Variants in GMDS observed in about 807,000 individuals in gnomAD.
The protein encoded by GMDS is GDP-mannose 4,6-dehydratase.
Under a neutral mutation model 49.9 loss-of-function variants are expected in GMDS, and 20 were observed. That is an observed-to-expected ratio of 0.40 (90% confidence interval 0.28 to 0.58). The LOEUF (loss-of-function observed/expected upper bound fraction) is 0.58, where lower values mean the gene tolerates loss of function less well. GMDS is among the 20% of genes least tolerant of loss of function. The pLI, the probability that GMDS is intolerant of heterozygous loss-of-function variation, is 0.42. For synonymous variants in GMDS, 177 were observed against 178.6 expected (o/e 0.99, Z 0.07); for missense variants, 362 against 481.4 (o/e 0.75, Z 2.32).
At chr6:2,210,454 A>AT (rs1173978368) in intron 1 of GMDS, among the ~76,000 whole-genome samples, 2 of 152,180 alleles carry the variant, frequency 1.3e-5, no homozygotes, top group African/African-American at 4.8e-5. Context: ...GTGCTTACCC[A>AT]TCCTTTCCTG....
intron 7 of GMDS, among the ~76,000 whole-genome samples, chr6:1,814,892 A>G (rs1465575018): frequency 6.6e-6 from 1 of 152,214 alleles, no homozygotes; most frequent in Admixed American, 6.5e-5. Flanking sequence ...TAAAAATGAT[A>G]GTAGGAACAG....
chr6:1,954,238 C>T (rs1435713150), intron 6 of GMDS, among the ~76,000 whole-genome samples: 1 of 152,244 alleles, frequency 6.6e-6, no homozygotes, highest in Admixed American at 6.5e-5. Context: ...AAGCCCTGTA[C>T]AACCTTAACT....
intron 9 of GMDS, among the ~76,000 whole-genome samples, chr6:1,629,924 G>A (rs187453188): frequency 3.9e-5 from 6 of 152,262 alleles, no homozygotes; most frequent in Admixed American, 6.5e-5. Context: ...TAGAGCTTTC[G>A]TGGAAAGTAA....
intron 7 of GMDS, among the ~76,000 whole-genome samples, chr6:1,927,730 T>C (rs898182318): frequency 2.6e-5 from 4 of 152,214 alleles, no homozygotes; most frequent in African/African-American, 9.6e-5. Flanking sequence ...AGCGTCCTTC[T>C]TTCAGATCTA....
chr6:1,789,063 A>T (rs947735431), intron 7 of GMDS, among the ~76,000 whole-genome samples: 1 of 152,208 alleles, frequency 6.6e-6, no homozygotes, highest in African/African-American at 2.4e-5. Context: ...AGAACTCAGG[A>T]CACAATAGTC....
chr6:1,756,506 A>C (rs1767951394), intron 7 of GMDS, among the ~76,000 whole-genome samples: 1 of 152,202 alleles, frequency 6.6e-6, no homozygotes, highest in Non-Finnish European at 1.5e-5. Context: ...TCCTGACCTC[A>C]GGTGATCTGC....
intron 4 of GMDS, among the ~76,000 whole-genome samples, chr6:2,015,268 C>T (rs1432567613): frequency 6.6e-6 from 1 of 152,136 alleles, no homozygotes; most frequent in Non-Finnish European, 1.5e-5. Context: ...TCACATAAAA[C>T]ATTTACTAAG....
At chr6:1,790,827 G>A (rs150845142) in intron 7 of GMDS, among the ~76,000 whole-genome samples, 8 of 152,186 alleles carry the variant, frequency 5.3e-5, no homozygotes, top group Non-Finnish European at 1.2e-4. Context: ...ACCTCTTGTG[G>A]TAGGCTGAGT....
At chr6:2,038,227 T>C (rs1309149512) in intron 4 of GMDS, among the ~76,000 whole-genome samples, 3 of 152,140 alleles carry the variant, frequency 2.0e-5, no homozygotes, top group Non-Finnish European at 4.4e-5. Context: ...CAGTACAGGG[T>C]GTACATGCTG....
intron 7 of GMDS, among the ~76,000 whole-genome samples, chr6:1,825,017 A>G (rs756633934): frequency 6.6e-6 from 1 of 152,192 alleles, no homozygotes; most frequent in Non-Finnish European, 1.5e-5. Flanking sequence ...ATTTTTCTGA[A>G]GTCACTCTCT....
At chr6:1,783,642 T>C (rs1769199638) in intron 7 of GMDS, among the ~76,000 whole-genome samples, 1 of 152,248 alleles carries the variant, frequency 6.6e-6, no homozygotes. Flanking sequence ...GGAGAAGCCA[T>C]GATGTTTTAC....
intron 4 of GMDS, among the ~76,000 whole-genome samples, chr6:2,022,434 T>A (rs926214129): frequency 6.6e-6 from 1 of 152,126 alleles, no homozygotes; most frequent in Admixed American, 6.5e-5. Flanking sequence ...ATTCATGAGA[T>A]TAAGAGGACC....
At chr6:1,972,406 T>C (rs1234766439) in intron 4 of GMDS, among the ~76,000 whole-genome samples, 1 of 152,248 alleles carries the variant, frequency 6.6e-6, no homozygotes, top group East Asian at 1.9e-4. Flanking sequence ...TCATGATTTC[T>C]GTATAAGAAA....
chr6:1,907,133 A>G (rs1760817474), intron 7 of GMDS, among the ~76,000 whole-genome samples: 1 of 152,204 alleles, frequency 6.6e-6, no homozygotes, highest in African/African-American at 2.4e-5. Flanking sequence ...GCTGTTTCGC[A>G]TGTGTAATCT....
At chr6:2,014,116 C>T (rs1200837101) in intron 4 of GMDS, among the ~76,000 whole-genome samples, 6 of 116,618 alleles carry the variant, frequency 5.1e-5, no homozygotes, top group African/African-American at 2.0e-4. Flanking sequence ...AAAATTATCC[C>T]CCCCCCCCAA....
At chr6:2,224,035 A>T (rs1434712280) in intron 1 of GMDS, among the ~76,000 whole-genome samples, 1 of 152,240 alleles carries the variant, frequency 6.6e-6, no homozygotes, top group Non-Finnish European at 1.5e-5. Flanking sequence ...GAAAAGTGAC[A>T]GTGATAACAC....
chr6:1,899,777 C>T lies in GMDS; in HGVS notation c.771+30326G>A, dbSNP rs147857803. Among the ~76,000 whole-genome samples the T allele has an allele frequency of 3.3e-3, 506 of 152,164 alleles. 2 individuals are homozygous for T. Among genetic ancestry groups the T allele is most frequent in the Non-Finnish European group, 5.7e-3 (391 of 68,006 alleles). On this transcript the variant is annotated intron_variant, in intron 7 of 10. Transcript: ENST00000380815. Reference sequence around the variant, plus strand: ...TAGAGCAAAGAGAACACAGTCGCCACTCTAAGGCCCCGTGGAGACCTGCAA... The same window carrying T: ...TAGAGCAAAGAGAACACAGTCGCCATTCTAAGGCCCCGTGGAGACCTGCAA...
At chr6:1,874,540 T>C (rs1012590395) in intron 7 of GMDS, among the ~76,000 whole-genome samples, 3 of 152,120 alleles carry the variant, frequency 2.0e-5, no homozygotes, top group African/African-American at 7.2e-5. Flanking sequence ...CACACGACAA[T>C]CTCTTCAAAA....
At chr6:1,777,063 T>G (rs1300727734) in intron 7 of GMDS, among the ~76,000 whole-genome samples, 2 of 152,222 alleles carry the variant, frequency 1.3e-5, no homozygotes, top group Non-Finnish European at 2.9e-5. Context: ...TCTAGGCACA[T>G]TTTACCCTGT....
Sources: allele counts gnomAD v4.1 joint callset (sites outside exome capture counted in the v4.1 genomes callset), GRCh38; gene constraint gnomAD v4.1.1; transcripts MANE v1.5; gene names NCBI Gene and HGNC (gene_info 2026-07-23, HGNC 2026-07-21).